Variants in SCMH1 observed in about 807,000 individuals in gnomAD.
SCMH1 encodes the protein polycomb protein SCMH1.
A neutral mutation model predicts 70.8 loss-of-function variants in SCMH1; 37 were observed. The ratio of observed to expected loss-of-function variants is 0.52; its 90% CI spans 0.40 to 0.69. The LOEUF is 0.69. Among genes scored for constraint, SCMH1 ranks in the 30% least tolerant of loss-of-function variants. SCMH1 has a pLI of 0.00. For synonymous variants in SCMH1, 292 were observed against 307.4 expected, an observed-to-expected ratio of 0.95 and a Z score of 0.52; for missense variants, 607 against 827.3, an observed-to-expected ratio of 0.73 and a Z score of 3.27.
chr1:41,110,959 T>C (rs1669109977), intron 8 of SCMH1, among the ~76,000 whole-genome samples: 1 of 152,224 alleles, frequency 6.6e-6, no homozygotes, highest in African/African-American at 2.4e-5. Context: ...TTATTATCTG[T>C]CTTTTGCTTA....
intron 2 of SCMH1, 28 bp from the exon 3 acceptor site, chr1:41,161,460 TG>T: frequency 2.0e-6 from 3 of 1,537,034 alleles, no homozygotes; most frequent in Non-Finnish European, 2.6e-6. Context: ...AATAGTCATG[TG>T]GAAAGAAAGT....
chr1:41,229,388 C>A (rs1241806485), intron 1 of SCMH1, among the ~76,000 whole-genome samples: 2 of 152,142 alleles, frequency 1.3e-5, no homozygotes, highest in African/African-American at 2.4e-5. Flanking sequence ...GGCACATATA[C>A]ACCATGGAAT....
intron 6 of SCMH1, among the ~76,000 whole-genome samples, chr1:41,141,514 T>C (rs1644070187): frequency 1.3e-5 from 2 of 152,168 alleles, no homozygotes. Context: ...GAAATAAATA[T>C]CACCAGCTAT....
rs1645486562 is a variant in SCMH1, at chr1:41,037,595, C to G, written c.1499-54G>C. 4 of 1,514,110 alleles carry G rather than the reference C, an allele frequency of 2.6e-6. No individual in the cohort carries two copies. The African/African-American group carries it at 5.5e-5, about 21-fold the overall frequency. 93.8% of individuals were successfully genotyped at this position (1,514,110 alleles called of 1,614,324 possible). On this transcript the variant is annotated intron_variant, in intron 12 of 14. Transcript: ENST00000337495. ...CTTAGAAGGACTGCCAGAGTGCTGG[C>G]TCCCAGATACCTGTTTGAGTGGAGC... is the stretch of plus-strand genomic sequence containing the variant.
intron 8 of SCMH1, among the ~76,000 whole-genome samples, chr1:41,095,931 T>C (rs1664934321): frequency 6.6e-6 from 1 of 152,174 alleles, no homozygotes; most frequent in African/African-American, 2.4e-5. Context: ...TTATAAAGAT[T>C]GTATAACAAC....
chr1:41,032,465 A>G (rs2148516569), intron 13 of SCMH1, among the ~76,000 whole-genome samples: 1 of 152,350 alleles, frequency 6.6e-6, no homozygotes, highest in Middle Eastern at 3.4e-3. Flanking sequence ...GTGGTGTGAA[A>G]TAACACTAAG....
At chr1:41,221,683 T>C (rs1193552871) in intron 1 of SCMH1, among the ~76,000 whole-genome samples, 7 of 146,240 alleles carry the variant, frequency 4.8e-5, no homozygotes, top group African/African-American at 1.8e-4. Context: ...AGGCCAGGAG[T>C]TCAAGACCAG....
Position 41,239,015 on chromosome 1 carries a change from T to C in SCMH1, c.-118+3044A>G, listed in dbSNP as rs1446472525. On this transcript the variant is annotated intron_variant, in intron 1 of 14. Coordinates refer to ENST00000337495, the Ensembl canonical transcript of SCMH1. ...CAATCAATCATTAAAGCCTTATACA[T>C]TTTCTCAGATTCATTTCTTTCTCTT... 2.0e-5 allele frequency among the ~76,000 whole-genome samples: 3 copies of C among 152,308 alleles called. No homozygotes were observed. In the East Asian group the frequency reaches 5.8e-4, roughly 29 times the overall value.
intron 6 of SCMH1, among the ~76,000 whole-genome samples, chr1:41,138,916 C>T (rs1425109347): frequency 6.6e-6 from 1 of 151,962 alleles, no homozygotes; most frequent in Non-Finnish European, 1.5e-5. Context: ...TTAAATTTTC[C>T]CAGACCAGCA....
intron 8 of SCMH1, among the ~76,000 whole-genome samples, chr1:41,093,430 T>G: frequency 6.6e-6 from 1 of 150,632 alleles, no homozygotes; most frequent in African/African-American, 2.4e-5. Context: ...AAATGACGAG[T>G]TAGTGGGTGC....
intron 1 of SCMH1, among the ~76,000 whole-genome samples, chr1:41,232,083 T>C (rs762099084): frequency 6.6e-6 from 1 of 152,028 alleles, no homozygotes; most frequent in Non-Finnish European, 1.5e-5. Flanking sequence ...TGATGTTTTC[T>C]CATGATTAGA....
intron 13 of SCMH1, among the ~76,000 whole-genome samples, chr1:41,035,815 C>T (rs1234381389): frequency 1.3e-5 from 2 of 151,658 alleles, no homozygotes; most frequent in Non-Finnish European, 2.9e-5. Context: ...TCATCAAAGT[C>T]CCCAGCACAA....
chr1:41,134,547 C>T (rs572662956), intron 6 of SCMH1, among the ~76,000 whole-genome samples: 3 of 152,304 alleles, frequency 2.0e-5, no homozygotes, highest in Admixed American at 6.5e-5. Context: ...ATCTTCTCAG[C>T]CCCAAGCTGA....
intron 8 of SCMH1, among the ~76,000 whole-genome samples, chr1:41,080,638 C>T (rs949813742): frequency 4.6e-5 from 7 of 152,056 alleles, no homozygotes; most frequent in African/African-American, 1.7e-4. Context: ...ATCCGCTGAA[C>T]ACATACATTC....
intron 13 of SCMH1, among the ~76,000 whole-genome samples, chr1:41,032,271 C>T (rs1644634617): frequency 6.6e-6 from 1 of 152,176 alleles, no homozygotes; most frequent in Non-Finnish European, 1.5e-5. Context: ...TGTCAGCCTA[C>T]TCCCATTAGA....
At chr1:41,153,779 A>G (rs1010985784) in intron 4 of SCMH1, among the ~76,000 whole-genome samples, 1 of 152,168 alleles carries the variant, frequency 6.6e-6, no homozygotes, top group Non-Finnish European at 1.5e-5. Context: ...GAATTGCAAA[A>G]TAAGATAATT....
Position 41,094,055 on chromosome 1 carries a change from C to T in SCMH1, c.746-18604G>A, listed in dbSNP as rs559315353. Reference sequence around the variant, plus strand: ...TCAGCTGACAGCTCAATTATACAAGCGTTTTTTCTTCAGGCAACCACAGTA... The same window carrying T: ...TCAGCTGACAGCTCAATTATACAAGTGTTTTTTCTTCAGGCAACCACAGTA... On this transcript the variant is annotated intron_variant, in intron 8 of 14. Coordinates refer to ENST00000337495, the Ensembl canonical transcript of SCMH1. Among the ~76,000 whole-genome samples, 54 of 152,248 alleles carry T rather than the reference C, an allele frequency of 3.5e-4. No individual in the cohort carries two copies. In the South Asian group the frequency reaches 0.011, roughly 30 times the overall value.
chr1:41,209,190 C>A (rs537822918), intron 1 of SCMH1, among the ~76,000 whole-genome samples: 1,614 of 152,276 alleles, frequency 0.011, 16 homozygotes, highest in Non-Finnish European at 0.017. Context: ...TCTGAATAGA[C>A]CAATAACAGG....
At chr1:41,221,407 C>T (rs1659235908) in intron 1 of SCMH1, among the ~76,000 whole-genome samples, 1 of 151,902 alleles carries the variant, frequency 6.6e-6, no homozygotes, top group South Asian at 2.1e-4. Flanking sequence ...AGGCCCAGCA[C>T]TTTGGGTGGC....
Sources: gnomAD v4.1 joint callset for allele counts (sites outside exome capture counted in the v4.1 genomes callset) on GRCh38, gnomAD v4.1.1 for gene constraint, MANE v1.5 for transcripts, NCBI Gene and HGNC (gene_info 2026-07-23, HGNC 2026-07-21) for gene names.